Variants in VPS13B observed in about 807,000 individuals in gnomAD.
The protein encoded by VPS13B is vacuolar protein sorting 13 homolog B.
In VPS13B, 285 loss-of-function variants were observed where a neutral mutation model predicts 426.4. That is an observed-to-expected ratio of 0.67 (90% CI 0.61 to 0.74). The LOEUF (loss-of-function observed/expected upper bound fraction) is 0.74, where lower values mean the gene tolerates loss of function less well. Ranked by LOEUF, VPS13B falls within the 30% of genes least tolerant of loss-of-function variation. The pLI, the probability that VPS13B is intolerant of heterozygous loss-of-function variation, is 0.00. For synonymous variants in VPS13B, 1,676 were observed against 1,676.4 expected, an observed-to-expected ratio of 1.00 and a Z score of 0.01; for missense variants, 4,537 against 4,782.6, an observed-to-expected ratio of 0.95 and a Z score of 1.51.
At chr8:99,031,841 G>T (rs1313252329) in intron 2 of VPS13B, among the ~76,000 whole-genome samples, 1 of 152,230 alleles carries the variant, frequency 6.6e-6, no homozygotes, top group Non-Finnish European at 1.5e-5. Flanking sequence ...ATGTAGAGAT[G>T]CCAGGGCTAT....
chr8:99,462,103 TCTTC>T (rs201375500), intron 23 of VPS13B, among the ~76,000 whole-genome samples: 9 of 146,750 alleles, frequency 6.1e-5, no homozygotes, highest in South Asian at 2.3e-4. Context: ...TTCCTTCCTT[TCTTC>T]CTTCCTTCCT....
At chr8:99,284,720 T>C (rs895013911) in intron 19 of VPS13B, among the ~76,000 whole-genome samples, 14 of 53,648 alleles carry the variant, frequency 2.6e-4, no homozygotes, top group Non-Finnish European at 4.1e-4. Flanking sequence ...CTGGCTAAAT[T>C]TGTGTGTGTG....
chr8:99,467,150 G>A (rs1819152935), intron 23 of VPS13B, among the ~76,000 whole-genome samples: 1 of 152,088 alleles, frequency 6.6e-6, no homozygotes, highest in Non-Finnish European at 1.5e-5. Context: ...TAGGGTAAGG[G>A]AAGAAGAAGT....
intron 21 of VPS13B, among the ~76,000 whole-genome samples, chr8:99,403,534 G>C (rs570204338): frequency 7.0e-6 from 1 of 143,764 alleles, no homozygotes; most frequent in African/African-American, 2.6e-5. Context: ...GGGTGACAGA[G>C]CAAGACTCTG....
intron 24 of VPS13B, among the ~76,000 whole-genome samples, chr8:99,473,873 G>T (rs994077948): frequency 2.0e-4 from 30 of 151,992 alleles, no homozygotes; most frequent in Non-Finnish European, 5.9e-5. Context: ...ACCGGAAAAT[G>T]GAATGAAATC....
intron 21 of VPS13B, 103 bp downstream of exon 21, chr8:99,391,807 A>C: frequency 9.1e-6 from 13 of 1,427,302 alleles, no homozygotes; most frequent in Non-Finnish European, 1.3e-5. Context: ...CATGAGACTC[A>C]TTGAGTGGAG....
chr8:99,332,956 G>A (rs1377566061), intron 19 of VPS13B, among the ~76,000 whole-genome samples: 3 of 151,468 alleles, frequency 2.0e-5, no homozygotes, highest in Non-Finnish European at 4.4e-5. Flanking sequence ...TGATTCCAAG[G>A]CCTACTTAGA....
Position 99,136,701 on chromosome 8 carries a change from G to T in VPS13B, c.1600G>T (p.Gly534Trp), listed in dbSNP as rs1225771653. ...TGAGATAGCTGGAATGCAACGGTTT[G>T]GGGCTTTTTATATGGATTACCTGTA... ...YTEIAGMQRF[G>W]AFYMDYLYTM... The change falls in exon 12 of 62, where the codon GGG becomes TGG. Residue 534 changes from glycine to tryptophan, a missense_variant. Around this residue, in one of 2 missense-constraint regions of VPS13B, gnomAD observed 4,311 missense variants for 4,474.3 expected, o/e 0.96. Coordinates refer to ENST00000357162, the MANE Select transcript of VPS13B (RefSeq NM_152564.5). The T allele has an allele frequency of 6.2e-7, 1 of 1,613,624 alleles. No homozygotes were observed. Among genetic ancestry groups the T allele is most frequent in the African/African-American group, 1.3e-5 (1 of 75,016 alleles).
chr8:99,067,492 A>C (rs919036930), intron 3 of VPS13B, among the ~76,000 whole-genome samples: 1 of 151,482 alleles, frequency 6.6e-6, no homozygotes, highest in Non-Finnish European at 1.5e-5. Context: ...GGGTCCTATC[A>C]TGATGTGGGG....
intron 3 of VPS13B, among the ~76,000 whole-genome samples, chr8:99,060,744 A>T (rs1180747833): frequency 6.6e-6 from 1 of 152,026 alleles, no homozygotes; most frequent in Admixed American, 6.5e-5. Flanking sequence ...TTTTTAACTT[A>T]TTGAGGATGT....
intron 23 of VPS13B, among the ~76,000 whole-genome samples, chr8:99,454,190 CT>C (rs1339336100): frequency 2.6e-5 from 4 of 152,084 alleles, no homozygotes; most frequent in African/African-American, 9.6e-5. Context: ...GGCTTGATAG[CT>C]TTTATTTTTT....
At chr8:99,632,714 A>T (rs943171269) in intron 33 of VPS13B, among the ~76,000 whole-genome samples, 1 of 152,038 alleles carries the variant, frequency 6.6e-6, no homozygotes, top group Non-Finnish European at 1.5e-5. Context: ...CATCTTAGCC[A>T]TTGCATTTCA....
chr8:99,816,940 A>G (rs549025509), intron 44 of VPS13B, among the ~76,000 whole-genome samples: 4 of 152,276 alleles, frequency 2.6e-5, no homozygotes, highest in East Asian at 3.9e-4. Flanking sequence ...ACTTCAAGGA[A>G]TAGATTGATC....
intron 17 of VPS13B, among the ~76,000 whole-genome samples, chr8:99,194,971 G>A (rs534571168): frequency 3.4e-4 from 52 of 151,992 alleles, no homozygotes; most frequent in African/African-American, 1.1e-3. Flanking sequence ...TCAGCCTCCC[G>A]AGTAGCTGGG....
chr8:99,287,703 G>A (rs1819521788), intron 19 of VPS13B, among the ~76,000 whole-genome samples: 2 of 151,848 alleles, frequency 1.3e-5, no homozygotes, highest in African/African-American at 2.4e-5. Context: ...AAGCACAAAT[G>A]ATCAAAACAC....
chr8:99,593,374 A>G (rs942008522), intron 33 of VPS13B, among the ~76,000 whole-genome samples: 16 of 152,154 alleles, frequency 1.1e-4, no homozygotes, highest in African/African-American at 3.6e-4. Context: ...ATCTCACACC[A>G]GTCAGAATGG....
intron 2 of VPS13B, among the ~76,000 whole-genome samples, chr8:99,029,701 T>G (rs1284607378): frequency 2.0e-5 from 3 of 149,576 alleles, no homozygotes; most frequent in Admixed American, 6.6e-5. Context: ...AGGCAGGGAT[T>G]TTGCAGTGAG....
At chr8:99,066,148 CTACTT>C (rs747341186) in intron 3 of VPS13B, among the ~76,000 whole-genome samples, 155 of 152,362 alleles carry the variant, frequency 1.0e-3, no homozygotes, top group Non-Finnish European at 1.8e-3. Flanking sequence ...TTGGAAAAAA[CTACTT>C]TAAAGTTCAT....
chr8:99,536,691 C>T (rs747419225), intron 30 of VPS13B: 9 of 534,476 alleles, frequency 1.7e-5, no homozygotes, highest in South Asian at 2.8e-5. Context: ...ATCCCTGTCC[C>T]ATGTCAGCTT....
Sources: gnomAD v4.1 joint callset for allele counts (sites outside exome capture counted in the v4.1 genomes callset) on GRCh38, gnomAD v4.1.1 for gene constraint, gnomAD v4.1.1 regional missense constraint, MANE v1.5 for transcripts, NCBI Gene and HGNC (gene_info 2026-07-23, HGNC 2026-07-21) for gene names.